Variants in ARPP19 observed in about 807,000 individuals in gnomAD.
ARPP19 encodes the protein cAMP regulated phosphoprotein 19.
ARPP19 carries 8 observed loss-of-function variants against 12.0 expected under a neutral mutation model. That is an observed-to-expected ratio of 0.67 (90% CI 0.39 to 1.21). ARPP19 has a LOEUF of 1.21. Ranked by LOEUF, ARPP19 falls within the 50% of genes most tolerant of loss-of-function variation. The pLI, the probability that ARPP19 is intolerant of heterozygous loss-of-function variation, is 0.01. For synonymous variants in ARPP19, 47 were observed against 50.4 expected (o/e 0.93, Z 0.29); for missense variants, 102 against 136.3 (o/e 0.75, Z 1.25).
chr15:52,561,954 T>TA (rs1446720031), intron 1 of ARPP19, among the ~76,000 whole-genome samples: 79 of 147,058 alleles, frequency 5.4e-4, no homozygotes, highest in Middle Eastern at 3.5e-3. Flanking sequence ...TTTTTTTTTT[T>TA]TTATTAAGAT....
chr15:52,562,613 A>C, intron 1 of ARPP19, among the ~76,000 whole-genome samples: 1 of 151,628 alleles, frequency 6.6e-6, no homozygotes, highest in East Asian at 1.9e-4. Context: ...CCTGGGAGAC[A>C]GAGTGAGACC....
chr15:52,556,858 A>G (rs551707804), intron 2 of ARPP19: 66 of 369,438 alleles, frequency 1.8e-4, no homozygotes, highest in African/African-American at 1.3e-3. Flanking sequence ...GGGTTCTGTT[A>G]TATCTGCACT....
intron 1 of ARPP19, among the ~76,000 whole-genome samples, chr15:52,562,931 G>T (rs191552076): frequency 7.7e-5 from 11 of 142,292 alleles, no homozygotes; most frequent in Admixed American, 1.5e-4. Context: ...GTGGTGGCAC[G>T]ATCTCGGCTC....
intron 2 of ARPP19, among the ~76,000 whole-genome samples, chr15:52,553,730 C>T (rs562379144): frequency 6.6e-6 from 1 of 152,278 alleles, no homozygotes; most frequent in South Asian, 2.1e-4. Flanking sequence ...TTTATGGAAT[C>T]TTAAGCTAAT....
At chr15:52,566,930 T>A (rs2078088426) in intron 1 of ARPP19, among the ~76,000 whole-genome samples, 1 of 152,026 alleles carries the variant, frequency 6.6e-6, no homozygotes, top group African/African-American at 2.4e-5. Context: ...CTACCTTAAT[T>A]CTTTAGCGGC....
rs1458707739 is a variant in ARPP19 at position 52,564,088 on chromosome 15, T to C, written c.45+4760A>G. The C allele has an allele frequency of 7.8e-6, 6 of 766,784 alleles. No homozygotes were observed. The Admixed American group carries it at 1.4e-4, about 18-fold the overall frequency. 47.5% of individuals were successfully genotyped at this position (766,784 alleles called of 1,614,324 possible). ...CAGCTTCTGGATTAGAAGTTAAGTA[T>C]TCAAGTCTTGCACAAACAAAAGAAG... On this transcript the variant is annotated intron_variant, in intron 1 of 2. Transcript: ENST00000249822.
intron 2 of ARPP19, among the ~76,000 whole-genome samples, chr15:52,552,965 T>A (rs181162596): frequency 6.6e-6 from 1 of 152,042 alleles, no homozygotes; most frequent in African/African-American, 2.4e-5. Context: ...GAATCCCAGC[T>A]ACCCTGGAGG....
chr15:52,547,833 C>T lies in ARPP19; in HGVS notation c.*4101G>A, dbSNP rs186764558. The T allele has an allele frequency of 2.0e-5, 3 of 152,112 alleles. No individual in the cohort carries two copies. Among genetic ancestry groups the T allele is most frequent in the Admixed American group, 2.0e-4 (3 of 15,266 alleles). 9.4% of individuals were successfully genotyped at this position (152,112 alleles called of 1,614,324 possible). On this transcript the variant is annotated 3_prime_UTR_variant, in exon 3 of 3. Transcript: ENST00000249822. ...GTCCTAAATTGTGGCATATTGAAAA[C>T]GATATTAAGGAACAATGACTCATTA...
chr15:52,559,027 GCTT>G (rs1247860928), intron 1 of ARPP19, among the ~76,000 whole-genome samples: 1 of 152,088 alleles, frequency 6.6e-6, no homozygotes, highest in Non-Finnish European at 1.5e-5. Context: ...ATCCTGAACT[GCTT>G]CTTCATTTGT....
chr15:52,564,227 G>C, intron 1 of ARPP19: 1 of 1,534,832 alleles, frequency 6.5e-7, no homozygotes. Flanking sequence ...CAGAGACCAA[G>C]GGAGCATGTT....
chr15:52,562,692 C>T (rs1206335307), intron 1 of ARPP19, among the ~76,000 whole-genome samples: 3 of 151,890 alleles, frequency 2.0e-5, no homozygotes, highest in African/African-American at 7.3e-5. Context: ...GCAAGTATCT[C>T]TCAAGGGCTT....
In ARPP19 at chr15:52,557,280, C is replaced by A. The variant is rs2077989962; in HGVS notation, c.46-58G>T. The A allele has an allele frequency of 2.9e-6, 4 of 1,390,936 alleles. No individual in the cohort carries two copies. The South Asian group carries it at 3.9e-5, about 13-fold the overall frequency. The allele number at this position is 1,390,936 out of a possible 1,614,324, so 86.2% of individuals were successfully genotyped here. Reference sequence around the variant, plus strand: ...TACAACTCAGTTATTTAAAATAATTCACCTTTAAAAATCTGGATTCTGAAT... The same window carrying A: ...TACAACTCAGTTATTTAAAATAATTAACCTTTAAAAATCTGGATTCTGAAT... On this transcript the variant is annotated intron_variant, in intron 1 of 2. Transcript: ENST00000249822.
intron 1 of ARPP19, among the ~76,000 whole-genome samples, chr15:52,567,109 G>A (rs1213173267): frequency 6.6e-6 from 1 of 152,192 alleles, no homozygotes; most frequent in Non-Finnish European, 1.5e-5. Flanking sequence ...AGAAGTGACT[G>A]TGCACATTTT....
intron 1 of ARPP19, chr15:52,564,214 T>C (rs1404378365): frequency 3.9e-6 from 6 of 1,534,846 alleles, no homozygotes; most frequent in Non-Finnish European, 5.2e-6. Flanking sequence ...GAATCGATGG[T>C]TGCAGAGACC....
At chr15:52,564,239 T>C in intron 1 of ARPP19, 1 of 1,534,126 alleles carries the variant, frequency 6.5e-7, no homozygotes, top group Non-Finnish European at 8.7e-7. Flanking sequence ...GAGCATGTTG[T>C]GTTCACTCTG....
rs771151088 is a variant in ARPP19, at chr15:52,557,103, T to C, written c.165A>G (p.Lys55=). Residue 55 remains lysine (K), a synonymous_variant, in exon 2 of 3, where the codon AAA becomes AAG. Coordinates refer to ENST00000249822, the MANE Select transcript of ARPP19 (RefSeq NM_006628.6). ...GSDFLRKRLQ[K]GQKYFDSGDY... is the part of the protein sequence containing the mutation. ...GAAATTACCCATGAGAACTTACCCC[T>C]TTCTGCAACCGTTTCCTTAAGAAAT... 2 of 1,611,786 alleles carry C rather than the reference T, an allele frequency of 1.2e-6. No individual in the cohort carries two copies. Among genetic ancestry groups the C allele is most frequent in the Admixed American group, 1.7e-5 (1 of 59,996 alleles).
At chr15:52,564,080 G>A (rs1422096094) in intron 1 of ARPP19, 2 of 700,510 alleles carry the variant, frequency 2.9e-6, no homozygotes, top group African/African-American at 1.8e-5. Context: ...TGGATTAGAA[G>A]TTAAGTATTC....
At chr15:52,556,319 G>C (rs2077981151) in intron 2 of ARPP19, among the ~76,000 whole-genome samples, 1 of 152,016 alleles carries the variant, frequency 6.6e-6, no homozygotes, top group African/African-American at 2.4e-5. Flanking sequence ...TAAGTAATTT[G>C]AATATGCTTA....
intron 1 of ARPP19, among the ~76,000 whole-genome samples, chr15:52,563,320 C>T (rs931751789): frequency 2.0e-5 from 3 of 151,910 alleles, no homozygotes; most frequent in Admixed American, 6.6e-5. Context: ...TAATAGGGTC[C>T]GCAGAAGGCA....
Sources: gnomAD v4.1 joint callset for allele counts (sites outside exome capture counted in the v4.1 genomes callset) on GRCh38, gnomAD v4.1.1 for gene constraint, MANE v1.5 for transcripts, NCBI Gene and HGNC (gene_info 2026-07-23, HGNC 2026-07-21) for gene names.